Variants in SOCS2 observed in about 807,000 individuals in gnomAD.
SOCS2 encodes CIS-2.
SOCS2 carries 10 observed loss-of-function variants against 18.6 expected under a neutral mutation model. The observed-to-expected ratio is 0.54, with a 90% CI of 0.33 to 0.91. The LOEUF (loss-of-function observed/expected upper bound fraction) is 0.91. Ranked by LOEUF, SOCS2 falls within the 40% of genes least tolerant of loss-of-function variation. The probability of loss-of-function intolerance (pLI) is 0.02; values close to 1 mark genes in which losing one functional copy is unlikely to be tolerated. For missense variants in SOCS2, 231 were observed against 247.2 expected, an observed-to-expected ratio of 0.93 and a Z score of 0.44; for synonymous variants, 104 against 104.0, an observed-to-expected ratio of 1.00 and a Z score of 0.00.
downstream of SOCS2, among the ~76,000 whole-genome samples, chr12:93,587,392 CA>C (rs2136718330): frequency 6.6e-6 from 1 of 152,152 alleles, no homozygotes; most frequent in South Asian, 2.1e-4. Flanking sequence ...CTTAAAAAAT[CA>C]GTTGGTGGCT....
At chr12:93,614,595 CTTTCTTTCTTTCTTTCTT>C in the SOCS2 span, among the ~76,000 whole-genome samples, 1 of 106,380 alleles carries the variant, frequency 9.4e-6, no homozygotes, top group Non-Finnish European at 1.8e-5. Flanking sequence ...TTCTTTCTTT[CTTTCTTTCTTTCTTTCTT>C]TCTTTCTTTC....
At chr12:93,614,974 T>C in the SOCS2 span, among the ~76,000 whole-genome samples, 17 of 151,944 alleles carry the variant, frequency 1.1e-4, no homozygotes, top group Admixed American at 5.2e-4. Flanking sequence ...ATAAGGGTCA[T>C]TGAGCAGCCG....
At chr12:93,614,479 C>T in the SOCS2 span, among the ~76,000 whole-genome samples, 15 of 31,896 alleles carry the variant, frequency 4.7e-4, no homozygotes, top group East Asian at 3.2e-3. Context: ...TCCTTCCTTC[C>T]TTTCCTTCCT....
At chr12:93,604,601 T>A in the SOCS2 span, among the ~76,000 whole-genome samples, 1 of 152,212 alleles carries the variant, frequency 6.6e-6, no homozygotes, top group African/African-American at 2.4e-5. Context: ...GGTCACCTAT[T>A]AACATATGAG....
At chr12:93,574,679 T>A (rs1954402654) in intron 1 of SOCS2, 43 bp from the exon 2 acceptor site, 1 of 1,372,010 alleles carries the variant, frequency 7.3e-7, no homozygotes, top group South Asian at 1.4e-5. Flanking sequence ...TTATAATAAC[T>A]GTTTTACCCT....
At chr12:93,593,199 T>C in the SOCS2 span, among the ~76,000 whole-genome samples, 1 of 152,164 alleles carries the variant, frequency 6.6e-6, no homozygotes, top group African/African-American at 2.4e-5. Flanking sequence ...GGGAATTAGC[T>C]TTGCCTAAGA....
rs1954453075 is a variant in SOCS2 at position 93,576,077 on chromosome 12, C to T, written c.*898C>T. 6.6e-6 allele frequency: 1 copy of T among 152,616 alleles called. No individual in the cohort carries two copies. Among genetic ancestry groups the T allele is most frequent in the African/African-American group, 2.4e-5 (1 of 41,432 alleles). 9.5% of individuals were successfully genotyped at this position (152,616 alleles called of 1,614,324 possible). On this transcript the variant is annotated 3_prime_UTR_variant, in exon 2 of 2. Transcript: ENST00000551556. ...GACATAAACAGTTGTCTCCCTTCTA[C>T]TGTGTAGAATACTTTGACTTAATTT...
At chr12:93,571,453 C>T (rs1442271342), upstream of SOCS2, 1 of 153,294 alleles carries the variant, frequency 6.5e-6, no homozygotes, top group African/African-American at 2.4e-5. Context: ...TTTTATTTCC[C>T]CTAAACTGCC....
chr12:93,610,819 T>C, the SOCS2 span, among the ~76,000 whole-genome samples: 1 of 152,232 alleles, frequency 6.6e-6, no homozygotes, highest in South Asian at 2.1e-4. Flanking sequence ...AGATCCTTAA[T>C]CTTGGACTTC....
chr12:93,602,770 T>A, the SOCS2 span, among the ~76,000 whole-genome samples: 1 of 152,132 alleles, frequency 6.6e-6, no homozygotes, highest in Non-Finnish European at 1.5e-5. Context: ...CTTTCCTGCC[T>A]CAGAGCCCTG....
the SOCS2 span, among the ~76,000 whole-genome samples, chr12:93,616,600 T>G: frequency 1.3e-5 from 2 of 152,214 alleles, no homozygotes; most frequent in African/African-American, 4.8e-5. Flanking sequence ...ATTCCTCTGA[T>G]TAACCCAATA....
the SOCS2 span, among the ~76,000 whole-genome samples, chr12:93,593,146 A>G: frequency 6.6e-6 from 1 of 152,108 alleles, no homozygotes; most frequent in Admixed American, 6.5e-5. Flanking sequence ...AGTTCTAGGA[A>G]CAATGAAACT....
chr12:93,606,379 T>C, the SOCS2 span, among the ~76,000 whole-genome samples: 1 of 152,078 alleles, frequency 6.6e-6, no homozygotes, highest in African/African-American at 2.4e-5. Flanking sequence ...AGTTACCCCA[T>C]TCAACACATC....
the SOCS2 span, among the ~76,000 whole-genome samples, chr12:93,598,552 C>G: frequency 1.7e-3 from 255 of 152,254 alleles, 3 homozygotes; most frequent in East Asian, 0.045. Context: ...GATGGTGATA[C>G]CTTCTATTAA....
chr12:93,607,488 GAA>G, the SOCS2 span, among the ~76,000 whole-genome samples: 1 of 150,198 alleles, frequency 6.7e-6, no homozygotes, highest in East Asian at 1.9e-4. Context: ...TACACCCCAG[GAA>G]GAAGAACACA....
chr12:93,614,484 C>CTTTCTTTCTTTCTTTCT, the SOCS2 span, among the ~76,000 whole-genome samples: 2 of 23,792 alleles, frequency 8.4e-5, no homozygotes, highest in African/African-American at 4.9e-4. Flanking sequence ...CCTTCCTTTC[C>CTTTCTTTCTTTCTTTCT]TTCCTTCCTT....
the SOCS2 span, among the ~76,000 whole-genome samples, chr12:93,622,901 C>T: frequency 7.9e-3 from 1,203 of 152,150 alleles, 10 homozygotes; most frequent in Middle Eastern, 0.02. Flanking sequence ...AAGGTTTGAG[C>T]CATGACTAGT....
chr12:93,614,357 TTTTC>T, the SOCS2 span, among the ~76,000 whole-genome samples: 1 of 121,616 alleles, frequency 8.2e-6, no homozygotes, highest in South Asian at 2.6e-4. Flanking sequence ...TATATAGCAA[TTTTC>T]CTTCTTTCTT....
rs778270181 is a variant in SOCS2 at position 93,572,968 on chromosome 12, G to A, written c.71G>A (p.Gly24Glu). Residue 24 changes from glycine to glutamate, a missense_variant, in exon 1 of 2, where the codon GGG (glycine) becomes GAG (glutamate). By Grantham distance (98) the Gly-to-Glu change is moderately conservative (BLOSUM62 -2). Transcript: ENST00000551556. The surrounding 1 kb of genome is among the most constrained non-coding windows in gnomAD (Gnocchi z 5.0). ...EGTRSQWGTA[G>E]SAEEPSPQAA... The stretch of plus-strand genomic sequence containing the variant: ...ACGCGGAGCCAGTGGGGGACCGCGG[G>A]GTCGGCGGAGGAGCCATCCCCGCAG... 1 of 1,567,744 alleles carries A rather than the reference G, an allele frequency of 6.4e-7. No individual in the cohort carries two copies. Among genetic ancestry groups the A allele is most frequent in the Non-Finnish European group, 8.6e-7 (1 of 1,156,696 alleles).
Sources: allele counts gnomAD v4.1 joint callset (sites outside exome capture counted in the v4.1 genomes callset), GRCh38; gene constraint gnomAD v4.1.1; non-coding constraint Gnocchi (gnomAD v3.1); transcripts MANE v1.5; gene names NCBI Gene and HGNC (gene_info 2026-07-23, HGNC 2026-07-21).